The following SLC22A3 variants were observed in gnomAD, a reference collection of about 807,000 sequenced individuals.
SLC22A3 encodes EMT organic cation transporter 3.
Under a neutral mutation model 59.1 loss-of-function variants are expected in SLC22A3, and 51 were observed. That is an observed-to-expected ratio of 0.86 (90% CI 0.69 to 1.09). The LOEUF is 1.09. Among genes scored for constraint, SLC22A3 ranks in the 50% least tolerant of loss-of-function variants. The probability of loss-of-function intolerance (pLI) is 0.00; values close to 1 mark genes in which losing one functional copy is unlikely to be tolerated. For missense variants in SLC22A3, 711 were observed against 726.3 expected (o/e 0.98, Z 0.24); for synonymous variants, 325 against 292.0 (o/e 1.11, Z -1.15).
At chr6:160,371,147 A>C (rs1785384347) in intron 1 of SLC22A3, among the ~76,000 whole-genome samples, 1 of 152,098 alleles carries the variant, frequency 6.6e-6, no homozygotes, top group East Asian at 1.9e-4. Context: ...GCACAACAAC[A>C]TGCCTCCCAC....
At chr6:160,372,024 T>G (rs1042723472) in intron 1 of SLC22A3, among the ~76,000 whole-genome samples, 4 of 152,124 alleles carry the variant, frequency 2.6e-5, no homozygotes, top group African/African-American at 9.7e-5. Context: ...TTGATGGGGT[T>G]GTGTTTTTCT....
At chr6:160,384,854 T>G (rs368017005) in intron 1 of SLC22A3, among the ~76,000 whole-genome samples, 33 of 152,190 alleles carry the variant, frequency 2.2e-4, no homozygotes, top group African/African-American at 5.8e-4. Context: ...CACTCACCTC[T>G]TTCCCATGCA....
At chr6:160,434,224 A>AT (rs1003317205) in intron 5 of SLC22A3, among the ~76,000 whole-genome samples, 6 of 152,204 alleles carry the variant, frequency 3.9e-5, no homozygotes, top group African/African-American at 1.4e-4. Context: ...ATCTAGTCAA[A>AT]TTTTTTTCAT....
chr6:160,390,180 C>T (rs1786194727), intron 1 of SLC22A3, among the ~76,000 whole-genome samples: 1 of 152,164 alleles, frequency 6.6e-6, no homozygotes, highest in African/African-American at 2.4e-5. Context: ...TTGTTAAGCA[C>T]TCCTTAGCCT....
chr6:160,396,316 C>T (rs567486635), intron 1 of SLC22A3, among the ~76,000 whole-genome samples: 1 of 152,148 alleles, frequency 6.6e-6, no homozygotes, highest in East Asian at 1.9e-4. Flanking sequence ...ATGTAAATGA[C>T]TGATGACTTA....
At chr6:160,434,123 C>A (rs940026695) in intron 5 of SLC22A3, among the ~76,000 whole-genome samples, 1 of 152,148 alleles carries the variant, frequency 6.6e-6, no homozygotes, top group Non-Finnish European at 1.5e-5. Context: ...CTCATGGCAA[C>A]GAGTTGGTGG....
At chr6:160,361,748 A>C (rs889590230) in intron 1 of SLC22A3, among the ~76,000 whole-genome samples, 1 of 152,264 alleles carries the variant, frequency 6.6e-6, no homozygotes, top group Admixed American at 6.5e-5. Context: ...CAAGTAATTA[A>C]CTGACATCTC....
intron 1 of SLC22A3, among the ~76,000 whole-genome samples, chr6:160,378,852 C>G (rs1048895840): frequency 2.0e-5 from 3 of 152,092 alleles, no homozygotes; most frequent in African/African-American, 7.2e-5. Context: ...AGTTGTTTCC[C>G]CTTGTGATCG....
intron 1 of SLC22A3, among the ~76,000 whole-genome samples, chr6:160,376,700 A>G (rs142549552): frequency 6.6e-6 from 1 of 152,294 alleles, no homozygotes; most frequent in African/African-American, 2.4e-5. Context: ...CTGTTAAAGT[A>G]TGTTCAGGGA....
chr6:160,418,156 C>G (rs1350729280), intron 5 of SLC22A3, among the ~76,000 whole-genome samples: 1 of 152,120 alleles, frequency 6.6e-6, no homozygotes. Context: ...AGGAAGCCTC[C>G]CCTCAATGTG....
At chr6:160,401,893 A>G (rs3105752) in intron 2 of SLC22A3, among the ~76,000 whole-genome samples, 70,353 of 151,578 alleles carry the variant, frequency 0.46, 16,618 homozygotes, top group East Asian at 0.56. Flanking sequence ...GCTAAAATGA[A>G]GAAAATGTGG....
intron 2 of SLC22A3, 58 bp from the exon 3 acceptor site, chr6:160,406,983 T>A: frequency 6.4e-7 from 1 of 1,573,212 alleles, no homozygotes; most frequent in Non-Finnish European, 8.7e-7. Context: ...TGTTATATTT[T>A]CCCATTGTGT....
rs893013448 is a variant in SLC22A3, at chr6:160,415,696, G to C, written c.975+4850G>C. Among the ~76,000 whole-genome samples the C allele has an allele frequency of 6.6e-6, 1 of 152,174 alleles. No homozygotes were observed. The highest frequency in any genetic ancestry group is 6.5e-5 in the Admixed American group (1 of 15,276). The stretch of plus-strand genomic sequence containing the variant: ...CCTCATTCTCAGGGTGCCCATTATA[G>C]GGTGCGGAGAAGGTTAGAATGGATT... On this transcript the variant is annotated intron_variant, in intron 5 of 10. Transcript: ENST00000275300. The surrounding 1 kb of genome is among the most constrained non-coding windows in gnomAD (Gnocchi z 4.1).
chr6:160,371,553 GT>G (rs1583453611), intron 1 of SLC22A3, among the ~76,000 whole-genome samples: 1 of 152,192 alleles, frequency 6.6e-6, no homozygotes, highest in African/African-American at 2.4e-5. Context: ...TGGTGTATAT[GT>G]GCCACATTTT....
chr6:160,450,984 T>C lies in SLC22A3; in HGVS notation c.1611-12T>C, dbSNP rs1228060932. ...TAATCTTTCCTAAAGACTTTCTCCTTTGTTTTTTCAGTCCACATTCCTGTA... is the reference window on the plus strand; with the variant it reads ...TAATCTTTCCTAAAGACTTTCTCCTCTGTTTTTTCAGTCCACATTCCTGTA... On this transcript the variant is annotated splice_polypyrimidine_tract_variant and intron_variant, in intron 10 of 10. Coordinates refer to ENST00000275300, the MANE Select transcript of SLC22A3 (RefSeq NM_021977.4). The C allele has an allele frequency of 6.3e-7, 1 of 1,582,476 alleles. No individual in the cohort carries two copies. Among genetic ancestry groups the C allele is most frequent in the African/African-American group, 1.4e-5 (1 of 73,904 alleles).
chr6:160,358,289 T>G (rs1378478176), intron 1 of SLC22A3, among the ~76,000 whole-genome samples: 1 of 152,100 alleles, frequency 6.6e-6, no homozygotes, highest in African/African-American at 2.4e-5. Context: ...TGGGGAGACT[T>G]AGGTAAATAA....
At chr6:160,404,803 T>C (rs1441739509) in intron 2 of SLC22A3, among the ~76,000 whole-genome samples, 1 of 148,102 alleles carries the variant, frequency 6.8e-6, no homozygotes, top group Non-Finnish European at 1.5e-5. Context: ...CACATAAATA[T>C]AGTCAACTGA....
intron 5 of SLC22A3, among the ~76,000 whole-genome samples, chr6:160,427,098 G>A (rs905157005): frequency 2.6e-5 from 4 of 152,056 alleles, no homozygotes; most frequent in Non-Finnish European, 5.9e-5. Context: ...CAGGGACCAG[G>A]TCAGAGTCAG....
At chr6:160,357,093 C>T (rs147300270) in intron 1 of SLC22A3, among the ~76,000 whole-genome samples, 1 of 152,180 alleles carries the variant, frequency 6.6e-6, no homozygotes, top group African/African-American at 2.4e-5. Flanking sequence ...AGGAGGGGAG[C>T]TGTCCTTGAC....
Sources: allele counts gnomAD v4.1 joint callset (sites outside exome capture counted in the v4.1 genomes callset), GRCh38; gene constraint gnomAD v4.1.1; non-coding constraint Gnocchi (gnomAD v3.1); transcripts MANE v1.5; gene names NCBI Gene and HGNC (gene_info 2026-07-23, HGNC 2026-07-21).